The following SNRPB variants were observed in gnomAD, a reference collection of about 807,000 sequenced individuals.
SNRPB encodes the protein small nuclear ribonucleoprotein polypeptides B and B1.
Under a neutral mutation model 26.6 loss-of-function variants are expected in SNRPB, and 5 were observed. That is an observed-to-expected ratio of 0.19 (90% CI 0.10 to 0.39). SNRPB has a LOEUF of 0.39. Among genes scored for constraint, SNRPB ranks in the 10% least tolerant of loss-of-function variants. SNRPB has a pLI of 1.00. For missense variants in SNRPB, 211 were observed against 311.9 expected (o/e 0.68, Z 2.44); for synonymous variants, 122 against 105.8 (o/e 1.15, Z -0.94).
At position 2,465,701 on chromosome 20, in the gene SNRPB, G is replaced by GACTTA. The variant is rs1178218404; in HGVS notation, c.267+2_267+6dup. ...CCTCCTCCACAAGGCTTCCTGCTCTGACTTACATCTTTGGGAGGAGGTCCC... is the reference window on the plus strand; with the variant it reads ...CCTCCTCCACAAGGCTTCCTGCTCTGACTTAACTTACATCTTTGGGAGGAGGTCCC... On this transcript the variant is annotated splice_region_variant and intron_variant, in intron 3 of 6. Transcript: ENST00000381342. The GACTTA allele has an allele frequency of 6.3e-7, 1 of 1,592,840 alleles. No homozygotes were observed. Among genetic ancestry groups the GACTTA allele is most frequent in the Admixed American group, 1.7e-5 (1 of 59,930 alleles).
intron 3 of SNRPB, 112 bp downstream of exon 3, chr20:2,465,596 G>C: frequency 1.4e-6 from 1 of 728,826 alleles, no homozygotes; most frequent in Non-Finnish European, 2.3e-6. Flanking sequence ...TCTGAAAAAG[G>C]GGGCAAAATC....
intron 5 of SNRPB, 43 bp from the exon 6 acceptor site, chr20:2,462,804 T>C (rs753498434): frequency 2.2e-5 from 32 of 1,486,410 alleles, no homozygotes; most frequent in Non-Finnish European, 2.7e-5. Flanking sequence ...AGTGTCTATC[T>C]TGAAAAGGTA....
At position 2,462,634 on chromosome 20, in the gene SNRPB, A is replaced by C. The variant is rs771024512; in HGVS notation, c.685+2T>G. 1 of 1,612,874 alleles carries C rather than the reference A, an allele frequency of 6.2e-7. No homozygotes were observed. The highest frequency in any genetic ancestry group is 8.5e-7 in the Non-Finnish European group (1 of 1,179,038). ...GCCAAAGTCACCACTGCAGGCACTTACCTCGCATCCCAGGGGGAGGAGGCC... is the reference window on the plus strand; with the variant it reads ...GCCAAAGTCACCACTGCAGGCACTTCCCTCGCATCCCAGGGGGAGGAGGCC... On this transcript the variant is annotated splice_donor_variant, in intron 6 of 6. Transcript: ENST00000381342. LOFTEE classifies it high-confidence loss of function.
At position 2,461,654 on chromosome 20, in the gene SNRPB, A is replaced by T; in HGVS notation, c.*275T>A. The T allele has an allele frequency of 2.6e-6, 2 of 770,244 alleles. No homozygotes were observed. Among genetic ancestry groups the T allele is most frequent in the East Asian group, 2.7e-5 (1 of 36,406 alleles). The allele number at this position is 770,244 out of a possible 1,614,324, so 47.7% of individuals were successfully genotyped here. On this transcript the variant is annotated 3_prime_UTR_variant, in exon 7 of 7. Coordinates refer to ENST00000381342, the MANE Select transcript of SNRPB (RefSeq NM_003091.4). ...ATAGGTGCAATTATAATGTTCTCTT[A>T]AGAGTTTATTATAAACCAGTTTCAT...
rs2085054845 is a variant in SNRPB, at chr20:2,463,998, A to C, written c.268-99T>G. 1 of 1,007,990 alleles carries C rather than the reference A, an allele frequency of 9.9e-7. No individual in the cohort carries two copies. Among genetic ancestry groups the C allele is most frequent in the South Asian group, 1.3e-5 (1 of 75,538 alleles). 62.4% of individuals were successfully genotyped at this position (1,007,990 alleles called of 1,614,324 possible). ...AAGAGAGCCCCTCGAAATAGCTTAT[A>C]AATACTATCGAAATAGCTTATAAAT... On this transcript the variant is annotated intron_variant, in intron 3 of 6. Coordinates refer to ENST00000381342, the MANE Select transcript of SNRPB (RefSeq NM_003091.4). The surrounding 1 kb of genome is among the most constrained non-coding windows in gnomAD (Gnocchi z 5.0).
intron 3 of SNRPB, 38 bp downstream of exon 3, chr20:2,465,670 G>T: frequency 1.5e-6 from 2 of 1,362,438 alleles, no homozygotes; most frequent in Non-Finnish European, 2.1e-6. Context: ...TCACAGTAGG[G>T]CCTCCCCTCC....
At chr20:2,467,840 G>T (rs769616827) in intron 1 of SNRPB, 82 bp from the exon 2 acceptor site, 4 of 1,336,906 alleles carry the variant, frequency 3.0e-6, no homozygotes, top group Non-Finnish European at 4.2e-6. Context: ...TTCCCATGGC[G>T]TTCTTGTCCA....
chr20:2,465,381 G>A (rs945155488), intron 3 of SNRPB, among the ~76,000 whole-genome samples: 3 of 148,596 alleles, frequency 2.0e-5, no homozygotes, highest in African/African-American at 7.5e-5. Context: ...CTTTCTTGCA[G>A]GGTAACCTCT....
Position 2,461,723 on chromosome 20 carries a change from A to C in SNRPB, c.*206T>G. ...AGGACTATGTACAGCCTTACGGGAAACAGGCAGGGAGCTGAGGAGGGCCAA... is the reference window on the plus strand; with the variant it reads ...AGGACTATGTACAGCCTTACGGGAACCAGGCAGGGAGCTGAGGAGGGCCAA... On this transcript the variant is annotated 3_prime_UTR_variant, in exon 7 of 7. Coordinates refer to ENST00000381342, the MANE Select transcript of SNRPB (RefSeq NM_003091.4). 1 of 1,517,746 alleles carries C rather than the reference A, an allele frequency of 6.6e-7. No individual in the cohort carries two copies. The highest frequency in any genetic ancestry group is 8.9e-7 in the Non-Finnish European group (1 of 1,118,628). 94.0% of individuals were successfully genotyped at this position (1,517,746 alleles called of 1,614,324 possible).
At chr20:2,466,547 TTTG>T (rs1217068806) in intron 2 of SNRPB, among the ~76,000 whole-genome samples, 1 of 152,074 alleles carries the variant, frequency 6.6e-6, no homozygotes, top group Admixed American at 6.6e-5. Flanking sequence ...CTCAAAAGAT[TTTG>T]TTTTGATATT....
At position 2,463,818 on chromosome 20, in the gene SNRPB, C is replaced by T. The variant is rs768321901; in HGVS notation, c.349G>A (p.Gly117Arg). The T allele has an allele frequency of 6.2e-7, 1 of 1,613,536 alleles. No individual in the cohort carries two copies. Among genetic ancestry groups the T allele is most frequent in the Non-Finnish European group, 8.5e-7 (1 of 1,179,798 alleles). The change falls in exon 4 of 7, where the codon GGG becomes AGG. Residue 117 changes from glycine to arginine, a missense_variant. Transcript: ENST00000381342. The surrounding 1 kb of genome is among the most constrained non-coding windows in gnomAD (Gnocchi z 5.0). ...GRAAGRGIPA[G>R]VPMPQAPAGL... The stretch of plus-strand genomic sequence containing the variant: ...GCAGGAGCCTGGGGCATGGGAACCC[C>T]AGCTGGGATTCCTCTGCCAGCAGCC...
intron 1 of SNRPB, among the ~76,000 whole-genome samples, chr20:2,468,754 C>A (rs1005239052): frequency 6.6e-6 from 1 of 152,124 alleles, no homozygotes; most frequent in Non-Finnish European, 1.5e-5. Context: ...GGCGAAGCCC[C>A]GTCTCTACTA....
Position 2,470,765 on chromosome 20 carries a change from T to A in SNRPB, c.-75A>T, listed in dbSNP as rs117696487. ...GCCTAGCCTCTCTCCCACAGCCGAT[T>A]TCCCGCCGCCGCTACCGGAAATGCA... On this transcript the variant is annotated 5_prime_UTR_variant, in exon 1 of 7. Transcript: ENST00000381342. 21,870 of 1,577,318 alleles carry A rather than the reference T, an allele frequency of 0.014. 187 individuals carry two copies. Among genetic ancestry groups the A allele is most frequent in the Non-Finnish European group, 0.016 (18,391 of 1,151,396 alleles).
rs772624901 is a variant in SNRPB, at chr20:2,461,696, A to G, written c.*233T>C. On this transcript the variant is annotated 3_prime_UTR_variant, in exon 7 of 7. Coordinates refer to ENST00000381342, the MANE Select transcript of SNRPB (RefSeq NM_003091.4). Reference sequence around the variant, plus strand: ...CAGTTTCATAGGCCACAAGGAGATAAAAGGACTATGTACAGCCTTACGGGA... The same window carrying G: ...CAGTTTCATAGGCCACAAGGAGATAGAAGGACTATGTACAGCCTTACGGGA... The G allele has an allele frequency of 4.9e-6, 6 of 1,222,532 alleles. No individual in the cohort carries two copies. Among genetic ancestry groups the G allele is most frequent in the Non-Finnish European group, 6.9e-6 (6 of 872,946 alleles). 75.7% of individuals were successfully genotyped at this position (1,222,532 alleles called of 1,614,324 possible). A position where few individuals can be genotyped will look rare whatever the true frequency, so the allele number is the denominator to read the frequency against.
intron 3 of SNRPB, among the ~76,000 whole-genome samples, chr20:2,465,468 C>T (rs973381175): frequency 6.7e-6 from 1 of 148,480 alleles, no homozygotes; most frequent in Non-Finnish European, 1.5e-5. Flanking sequence ...AGGCAGGTCT[C>T]GAACTCCTGG....
At position 2,461,874 on chromosome 20, in the gene SNRPB, T is replaced by C. The variant is rs1442568171; in HGVS notation, c.*55A>G. 6.2e-7 allele frequency: 1 copy of C among 1,613,890 alleles called. No individual in the cohort carries two copies. The highest frequency in any genetic ancestry group is 8.5e-7 in the Non-Finnish European group (1 of 1,179,822). On this transcript the variant is annotated 3_prime_UTR_variant, in exon 7 of 7. Coordinates refer to ENST00000381342, the MANE Select transcript of SNRPB (RefSeq NM_003091.4). Reference sequence around the variant, plus strand: ...AAACAGGTCTGTGGTAACGTGGCCCTGAGGAATCGAGCCCACGCCTCTGCG... The same window carrying C: ...AAACAGGTCTGTGGTAACGTGGCCCCGAGGAATCGAGCCCACGCCTCTGCG...
Position 2,467,599 on chromosome 20 carries a change from C to T in SNRPB, c.155+8G>A, listed in dbSNP as rs1166139740. 2 of 1,613,580 alleles carry T rather than the reference C, an allele frequency of 1.2e-6. No homozygotes were observed. Among genetic ancestry groups the T allele is most frequent in the Admixed American group, 1.7e-5 (1 of 60,006 alleles). On this transcript the variant is annotated splice_region_variant and intron_variant, in intron 2 of 6. Coordinates refer to ENST00000381342, the MANE Select transcript of SNRPB (RefSeq NM_003091.4). ...TCCAGTCTCCGCCCCCCACAGTCCA[C>T]TCCTCACTTGATCTTTCTGAACTCA...
chr20:2,466,475 A>G (rs1307203044), intron 2 of SNRPB, among the ~76,000 whole-genome samples: 1 of 152,176 alleles, frequency 6.6e-6, no homozygotes, highest in African/African-American at 2.4e-5. Flanking sequence ...GAAAGTGGGG[A>G]AAAAAGCTAA....
At chr20:2,469,412 C>T (rs929208911) in intron 1 of SNRPB, among the ~76,000 whole-genome samples, 2 of 152,202 alleles carry the variant, frequency 1.3e-5, no homozygotes, top group African/African-American at 2.4e-5. Context: ...CTTCAGTGGG[C>T]AGGGTGTGGT....
Sources: allele counts gnomAD v4.1 joint callset (sites outside exome capture counted in the v4.1 genomes callset), GRCh38; gene constraint gnomAD v4.1.1; non-coding constraint Gnocchi (gnomAD v3.1); transcripts MANE v1.5; gene names NCBI Gene and HGNC (gene_info 2026-07-23, HGNC 2026-07-21).